Variants in CNTNAP2 observed in about 807,000 individuals in gnomAD.
CNTNAP2 encodes the protein contactin associated protein 2, also known as contactin-associated protein-like 2.
CNTNAP2 carries 98 observed loss-of-function variants against 155.2 expected under a neutral mutation model. That is an observed-to-expected ratio of 0.63 (90% confidence interval 0.54 to 0.75). CNTNAP2 has a LOEUF of 0.75. Ranked by LOEUF, CNTNAP2 falls within the 30% of genes least tolerant of loss-of-function variation. The pLI is 0.00. For missense variants in CNTNAP2, 1,727 were observed against 1,688.1 expected, an observed-to-expected ratio of 1.02 and a Z score of -0.40; for synonymous variants, 651 against 631.2, an observed-to-expected ratio of 1.03 and a Z score of -0.47.
rs532470942 is a variant in CNTNAP2 at position 147,458,923 on chromosome 7, A to G, written c.1671-27012A>G. On this transcript the variant is annotated intron_variant, in intron 10 of 23. Transcript: ENST00000361727. ...CATTTCTCATATGTATTTCACATGC[A>G]TGAAATCAAGAGAGAAAGAAATTCC... Among the ~76,000 whole-genome samples, 4 of 152,326 alleles carry G rather than the reference A, an allele frequency of 2.6e-5. No homozygotes were observed. In the South Asian group the frequency reaches 8.3e-4, roughly 32 times the overall value.
At position 147,336,147 on chromosome 7, in the gene CNTNAP2, T is replaced by C. The variant is rs1795660655; in HGVS notation, c.1498+35857T>C. 2.0e-5 allele frequency among the ~76,000 whole-genome samples: 3 copies of C among 152,172 alleles called. 1 individual carries two copies. In the South Asian group the frequency reaches 6.2e-4, roughly 32 times the overall value. On this transcript the variant is annotated intron_variant, in intron 9 of 23. Coordinates refer to ENST00000361727, the MANE Select transcript of CNTNAP2 (RefSeq NM_014141.6). Reference sequence around the variant, plus strand: ...TCATTTGTGGAGTAAAAAGAACATATTTCAGAAGACAGATATGCTAGCTCT... The same window carrying C: ...TCATTTGTGGAGTAAAAAGAACATACTTCAGAAGACAGATATGCTAGCTCT...
intron 15 of CNTNAP2, among the ~76,000 whole-genome samples, chr7:148,106,152 A>G (rs1032858816): frequency 3.3e-5 from 5 of 152,174 alleles, no homozygotes; most frequent in Non-Finnish European, 5.9e-5. Context: ...GAAAAGCTCT[A>G]CCTTCTGAGA....
intron 15 of CNTNAP2, among the ~76,000 whole-genome samples, chr7:148,091,319 A>G (rs1429617762): frequency 2.0e-5 from 3 of 152,208 alleles, no homozygotes; most frequent in Non-Finnish European, 4.4e-5. Context: ...ACATGTGTAT[A>G]TGTATATAAT....
chr7:146,516,046 A>AT (rs1563115650), intron 1 of CNTNAP2, among the ~76,000 whole-genome samples: 2 of 151,820 alleles, frequency 1.3e-5, no homozygotes, highest in South Asian at 2.1e-4. Context: ...TTAACACCAC[A>AT]TTTTTTTTCT....
At chr7:147,725,273 T>C (rs924134051) in intron 13 of CNTNAP2, among the ~76,000 whole-genome samples, 2 of 152,020 alleles carry the variant, frequency 1.3e-5, no homozygotes, top group Admixed American at 6.6e-5. Flanking sequence ...GGATCTCAAA[T>C]AAAGCAATTG....
chr7:146,584,622 G>A (rs1798659482), intron 1 of CNTNAP2, among the ~76,000 whole-genome samples: 1 of 152,130 alleles, frequency 6.6e-6, no homozygotes, highest in Non-Finnish European at 1.5e-5. Flanking sequence ...CATCAGAAGA[G>A]AGTGCATTAT....
Position 146,766,728 on chromosome 7 carries a change from G to A in CNTNAP2, c.98-7543G>A, listed in dbSNP as rs184478063. ...GCTATCACGTAAGTGTTCAATAAAT[G>A]ATTGCTATTACTATCAATTGATTCG... On this transcript the variant is annotated intron_variant, in intron 1 of 23. Coordinates refer to ENST00000361727, the MANE Select transcript of CNTNAP2 (RefSeq NM_014141.6). Among the ~76,000 whole-genome samples the A allele has an allele frequency of 4.6e-5, 7 of 152,302 alleles. No individual in the cohort carries two copies. The East Asian group carries it at 1.4e-3, about 29-fold the overall frequency.
At position 148,353,158 on chromosome 7, in the gene CNTNAP2, T is replaced by C. The variant is rs553086950; in HGVS notation, c.3476-30491T>C. On this transcript the variant is annotated intron_variant, in intron 21 of 23. Transcript: ENST00000361727. ...CAACAGGCGGGGCCCCGGCAATTGTTTGGGGACCATTTTCACAACCTTAAG... is the reference window on the plus strand; with the variant it reads ...CAACAGGCGGGGCCCCGGCAATTGTCTGGGGACCATTTTCACAACCTTAAG... 2.8e-3 allele frequency among the ~76,000 whole-genome samples: 427 copies of C among 152,304 alleles called. 1 individual carries two copies. Among genetic ancestry groups the C allele is most frequent in the Admixed American group, 3.7e-3 (57 of 15,302 alleles).
chr7:147,897,326 G>C (rs1799793018), intron 13 of CNTNAP2, among the ~76,000 whole-genome samples: 1 of 152,176 alleles, frequency 6.6e-6, no homozygotes, highest in African/African-American at 2.4e-5. Flanking sequence ...GAGATTCTGA[G>C]ATATATAATC....
chr7:146,516,881 G>T (rs1043780333), intron 1 of CNTNAP2, among the ~76,000 whole-genome samples: 2 of 151,872 alleles, frequency 1.3e-5, no homozygotes, highest in African/African-American at 4.8e-5. Context: ...AATCTTTCTT[G>T]CAGTGAAAAT....
chr7:147,507,746 A>G (rs919506400), intron 11 of CNTNAP2, among the ~76,000 whole-genome samples: 1 of 151,478 alleles, frequency 6.6e-6, no homozygotes, highest in Admixed American at 6.6e-5. Context: ...GTAGAGACGG[A>G]GTTTCACCAT....
chr7:147,261,824 AATT>A (rs1056263991), intron 8 of CNTNAP2, among the ~76,000 whole-genome samples: 57 of 152,328 alleles, frequency 3.7e-4, no homozygotes, highest in African/African-American at 1.2e-3. Flanking sequence ...TAATCTGAAC[AATT>A]ATTCTGAAAG....
intron 13 of CNTNAP2, among the ~76,000 whole-genome samples, chr7:147,717,329 C>T (rs1488410359): frequency 2.0e-5 from 3 of 152,080 alleles, no homozygotes; most frequent in Non-Finnish European, 4.4e-5. Context: ...AGACTTAACA[C>T]GGCCAACACT....
chr7:148,382,030 A>AGTT (rs1324733988), intron 21 of CNTNAP2, among the ~76,000 whole-genome samples: 1 of 152,260 alleles, frequency 6.6e-6, no homozygotes, highest in East Asian at 1.9e-4. Flanking sequence ...AAGAAACAAC[A>AGTT]GTTGAAACAC....
Position 147,398,805 on chromosome 7 carries a change from G to A in CNTNAP2, c.1670+3025G>A, listed in dbSNP as rs991182347. ...TTGAACAGGACAGATAAAGATTATT[G>A]AAAATTCTAAGCTGACATGGTAGAG... On this transcript the variant is annotated intron_variant, in intron 10 of 23. Coordinates refer to ENST00000361727, the MANE Select transcript of CNTNAP2 (RefSeq NM_014141.6). Among the ~76,000 whole-genome samples, 26 of 149,042 alleles carry A rather than the reference G, an allele frequency of 1.7e-4. 1 individual carries two copies. The highest frequency in any genetic ancestry group is 6.2e-4 in the African/African-American group (25 of 40,248).
chr7:148,249,756 G>A (rs1246746351), intron 20 of CNTNAP2, among the ~76,000 whole-genome samples: 1 of 152,116 alleles, frequency 6.6e-6, no homozygotes, highest in Non-Finnish European at 1.5e-5. Flanking sequence ...TCACTCACTG[G>A]TTCTCACAGC....
At chr7:147,714,536 T>C (rs1796453304) in intron 13 of CNTNAP2, among the ~76,000 whole-genome samples, 2 of 152,024 alleles carry the variant, frequency 1.3e-5, no homozygotes, top group Non-Finnish European at 2.9e-5. Context: ...GAGTGTTTAG[T>C]ATGCTAATTA....
intron 13 of CNTNAP2, chr7:147,849,855 A>T (rs1798893928): frequency 6.6e-6 from 1 of 152,252 alleles, no homozygotes; most frequent in Non-Finnish European, 1.5e-5. Flanking sequence ...AGCGAAATGG[A>T]CACAAACCAA....
At chr7:148,210,112 A>C (rs1795518242) in intron 18 of CNTNAP2, among the ~76,000 whole-genome samples, 1 of 151,726 alleles carries the variant, frequency 6.6e-6, no homozygotes, top group African/African-American at 2.4e-5. Context: ...GCCAGAGGAA[A>C]ATAGAGGTTC....
Sources: allele counts gnomAD v4.1 joint callset (sites outside exome capture counted in the v4.1 genomes callset), GRCh38; gene constraint gnomAD v4.1.1; transcripts MANE v1.5; gene names NCBI Gene and HGNC (gene_info 2026-07-23, HGNC 2026-07-21).